The following AFF3 variants were observed in gnomAD, a reference collection of about 807,000 sequenced individuals.
AFF3 encodes the protein AF4/FMR2 family member 3.
A neutral mutation model predicts 129.7 loss-of-function variants in AFF3; 32 were observed. The ratio of observed to expected loss-of-function variants is 0.25; its 90% confidence interval spans 0.19 to 0.33. The LOEUF is 0.33. Ranked by LOEUF, AFF3 falls within the 10% of genes least tolerant of loss-of-function variation. AFF3 has a pLI of 1.00. For missense variants in AFF3, 1,373 were observed against 1,592.0 expected (o/e 0.86, Z 2.34); for synonymous variants, 644 against 635.4 (o/e 1.01, Z -0.20).
chr2:99,997,052 C>A (rs1293559724), intron 7 of AFF3, among the ~76,000 whole-genome samples: 1 of 152,096 alleles, frequency 6.6e-6, no homozygotes, highest in Admixed American at 6.6e-5. Context: ...AGGGATACAC[C>A]ACAGGTCAGC....
chr2:99,753,044 T>C (rs749771612), intron 8 of AFF3, among the ~76,000 whole-genome samples: 3 of 152,270 alleles, frequency 2.0e-5, no homozygotes, highest in South Asian at 2.1e-4. Context: ...TACATTGATT[T>C]CTGATGACCA....
chr2:100,002,125 G>C (rs1285386375), intron 7 of AFF3, among the ~76,000 whole-genome samples: 1 of 152,214 alleles, frequency 6.6e-6, no homozygotes, highest in Non-Finnish European at 1.5e-5. Context: ...ATTTCTCCCA[G>C]GAGCAATCAG....
chr2:99,574,403 C>T (rs1183297657), intron 18 of AFF3, among the ~76,000 whole-genome samples: 1 of 152,170 alleles, frequency 6.6e-6, no homozygotes, highest in Non-Finnish European at 1.5e-5. Flanking sequence ...CTAACTGGTG[C>T]CTGTTTACAG....
chr2:100,067,054 A>G (rs1014209091), intron 4 of AFF3, among the ~76,000 whole-genome samples: 12 of 152,182 alleles, frequency 7.9e-5, no homozygotes, highest in Admixed American at 7.2e-4. Flanking sequence ...TATGCCCTGA[A>G]GGAAATGCAC....
chr2:99,609,060 C>A (rs1051269804), intron 13 of AFF3, among the ~76,000 whole-genome samples: 5 of 152,008 alleles, frequency 3.3e-5, no homozygotes, highest in African/African-American at 1.2e-4. Flanking sequence ...AAGGGGTGAA[C>A]CAAACACTCT....
chr2:100,018,702 T>C (rs1683342154), intron 4 of AFF3, among the ~76,000 whole-genome samples: 1 of 151,904 alleles, frequency 6.6e-6, no homozygotes, highest in South Asian at 2.1e-4. Context: ...ATCTTCTCCT[T>C]GGTAGAATAT....
chr2:99,871,573 C>T (rs925568639), intron 7 of AFF3, among the ~76,000 whole-genome samples: 11 of 148,742 alleles, frequency 7.4e-5, no homozygotes, highest in African/African-American at 2.4e-4. Context: ...AACAACTAAT[C>T]GAAGGCCGTA....
At chr2:100,113,649 C>A (rs6749757) in intron 2 of AFF3, among the ~76,000 whole-genome samples, 75,291 of 152,030 alleles carry the variant, frequency 0.5, 18,919 homozygotes, top group East Asian at 0.65. Flanking sequence ...TGTGGAGCTA[C>A]AGGAGCAAAA....
intron 7 of AFF3, among the ~76,000 whole-genome samples, chr2:99,842,494 G>C (rs147796726): frequency 8.4e-4 from 128 of 152,122 alleles, no homozygotes; most frequent in Middle Eastern, 3.4e-3. Context: ...CTGAGCTGTT[G>C]CTCCGTATTT....
intron 8 of AFF3, among the ~76,000 whole-genome samples, chr2:99,783,069 T>C (rs1684524431): frequency 6.6e-6 from 1 of 152,236 alleles, no homozygotes; most frequent in African/African-American, 2.4e-5. Context: ...CGCATATCTT[T>C]GGCAGAGGAT....
intron 4 of AFF3, among the ~76,000 whole-genome samples, chr2:100,037,223 T>C (rs987313943): frequency 1.3e-5 from 2 of 151,814 alleles, no homozygotes; most frequent in Non-Finnish European, 2.9e-5. Context: ...GGTATATTTA[T>C]GTAATGTAGT....
chr2:99,903,750 C>G (rs1417697203), intron 7 of AFF3, among the ~76,000 whole-genome samples: 1 of 152,110 alleles, frequency 6.6e-6, no homozygotes, highest in Non-Finnish European at 1.5e-5. Context: ...ACTAGACACC[C>G]TATAGGCTTC....
Position 99,579,671 on chromosome 2 carries a change from G to C in AFF3, c.2794-1220C>G, listed in dbSNP as rs553644445. ...GGAGGTGGAGGTTGCAGTGAGCCAA[G>C]ACTGCACCATTGCACTCCAGCCTGG... is the stretch of plus-strand genomic sequence containing the variant. On this transcript the variant is annotated intron_variant, in intron 17 of 24. Coordinates refer to ENST00000672756, the MANE Select transcript of AFF3 (RefSeq NM_001386135.1). 2.0e-5 allele frequency among the ~76,000 whole-genome samples: 3 copies of C among 152,296 alleles called. No individual in the cohort carries two copies. The South Asian group carries it at 6.2e-4, about 32-fold the overall frequency.
In AFF3 at chr2:99,551,585, G is replaced by A. The variant is rs201311680; in HGVS notation, c.3570C>T (p.Asn1190=). 1.5e-5 allele frequency: 24 copies of A among 1,613,962 alleles called. No individual in the cohort carries two copies. The highest frequency in any genetic ancestry group is 1.7e-5 in the Non-Finnish European group (20 of 1,179,990). Residue 1190 remains asparagine (N), a synonymous_variant, in exon 25 of 25, where the codon AAC becomes AAT. Transcript: ENST00000672756. ...CCGGCCCCATGAGCAGATCCAGGTC[G>A]TTGAAGAATTCTAGGGGGACAGAAA... ...NLAKENREFF[N]DLDLLMGPVT... is the part of the protein sequence containing the mutation.
intron 7 of AFF3, among the ~76,000 whole-genome samples, chr2:99,919,676 G>C (rs1399039922): frequency 1.3e-5 from 2 of 151,640 alleles, no homozygotes; most frequent in Admixed American, 6.6e-5. Flanking sequence ...AAGCAATACA[G>C]TTCCCCAAAT....
At chr2:99,835,465 G>C (rs200499804) in intron 8 of AFF3, among the ~76,000 whole-genome samples, 2 of 152,094 alleles carry the variant, frequency 1.3e-5, no homozygotes, top group East Asian at 3.9e-4. Context: ...GAGGATCTTG[G>C]AGAATGACTA....
chr2:100,081,547 C>G (rs1457954429), intron 4 of AFF3, among the ~76,000 whole-genome samples: 1 of 152,120 alleles, frequency 6.6e-6, no homozygotes, highest in East Asian at 1.9e-4. Flanking sequence ...CTGACCTGCA[C>G]CCCCTCATCA....
At chr2:99,565,426 C>T (rs929385011) in intron 20 of AFF3, 61 bp downstream of exon 20, 9 of 1,589,578 alleles carry the variant, frequency 5.7e-6, no homozygotes, top group Non-Finnish European at 7.7e-6. Flanking sequence ...TCTCTGTAAC[C>T]ATAGTGCTTC....
At position 99,746,808 on chromosome 2, in the gene AFF3, G is replaced by A. The variant is rs555481782; in HGVS notation, c.1003-2668C>T. Among the ~76,000 whole-genome samples, 7 of 152,170 alleles carry A rather than the reference G, an allele frequency of 4.6e-5. No homozygotes were observed. The East Asian group carries it at 5.8e-4, about 13-fold the overall frequency. On this transcript the variant is annotated intron_variant, in intron 9 of 24. Transcript: ENST00000672756. ...CATAAGTTAGTTTTAACTTTGGCACGTGAAAATACTTTGAGTCCCATTTAG... is the reference window on the plus strand; with the variant it reads ...CATAAGTTAGTTTTAACTTTGGCACATGAAAATACTTTGAGTCCCATTTAG...
Sources: gnomAD v4.1 joint callset for allele counts (sites outside exome capture counted in the v4.1 genomes callset) on GRCh38, gnomAD v4.1.1 for gene constraint, MANE v1.5 for transcripts, NCBI Gene and HGNC (gene_info 2026-07-23, HGNC 2026-07-21) for gene names.